BANP: variants seen among roughly 807,000 people sequenced by gnomAD.
BANP encodes the protein protein BANP.
A neutral mutation model predicts 68.1 loss-of-function variants in BANP; 11 were observed. The ratio of observed to expected loss-of-function variants is 0.16; its 90% CI spans 0.10 to 0.27. The LOEUF is 0.27. Ranked by LOEUF, BANP falls within the 10% of genes least tolerant of loss-of-function variation. The probability of loss-of-function intolerance (pLI) is 1.00; values close to 1 mark genes in which losing one functional copy is unlikely to be tolerated. For missense variants in BANP, 504 were observed against 722.7 expected (o/e 0.70, Z 3.47); for synonymous variants, 329 against 303.2 (o/e 1.09, Z -0.88).
chr16:87,991,217 C>G (rs929175472), intron 4 of BANP, among the ~76,000 whole-genome samples: 4 of 151,112 alleles, frequency 2.6e-5, no homozygotes, highest in African/African-American at 9.9e-5. Context: ...AGGAATTATT[C>G]ACATAATTGT....
rs148956852 is a variant in BANP at position 87,961,442 on chromosome 16, G to A, written c.-69+9927G>A. On this transcript the variant is annotated intron_variant, in intron 1 of 13. Transcript: ENST00000682872. ...GGGCCTCCCAAAGTGCTGGGATTAC[G>A]GGCGTGAGCCACTTCCCCTGGTGAG... is the stretch of plus-strand genomic sequence containing the variant. 1.6e-4 allele frequency among the ~76,000 whole-genome samples: 24 copies of A among 147,670 alleles called. No homozygotes were observed. In the East Asian group the frequency reaches 4.1e-3, roughly 25 times the overall value.
intron 13 of BANP, among the ~76,000 whole-genome samples, chr16:88,074,008 G>C (rs1360348157): frequency 6.6e-6 from 1 of 152,194 alleles, no homozygotes; most frequent in African/African-American, 2.4e-5. Flanking sequence ...GTGGTGAGCG[G>C]GTTTGCCCAT....
intron 12 of BANP, among the ~76,000 whole-genome samples, chr16:88,067,878 G>A (rs934723571): frequency 3.3e-5 from 5 of 152,296 alleles, no homozygotes; most frequent in African/African-American, 9.6e-5. Flanking sequence ...CGATGCTCCC[G>A]GCTGAGCCTT....
intron 2 of BANP, among the ~76,000 whole-genome samples, chr16:87,975,392 G>A (rs2061830737): frequency 6.6e-6 from 1 of 152,156 alleles, no homozygotes; most frequent in Non-Finnish European, 1.5e-5. Flanking sequence ...TCTGGAGGGG[G>A]CCCCTGTGAC....
intron 1 of BANP, among the ~76,000 whole-genome samples, chr16:87,963,210 C>T (rs926762277): frequency 1.3e-5 from 2 of 152,130 alleles, no homozygotes; most frequent in Non-Finnish European, 1.5e-5. Context: ...GCTTGGTGGC[C>T]GTGGTCCCTT....
intron 4 of BANP, among the ~76,000 whole-genome samples, chr16:87,995,315 C>T (rs965789945): frequency 6.6e-6 from 1 of 152,186 alleles, no homozygotes; most frequent in East Asian, 1.9e-4. Flanking sequence ...TGAGCAGCTC[C>T]TCTTTTTGTA....
At chr16:88,061,051 C>T (rs1035502348) in intron 11 of BANP, among the ~76,000 whole-genome samples, 2 of 152,144 alleles carry the variant, frequency 1.3e-5, no homozygotes, top group African/African-American at 4.8e-5. Context: ...GGGGGGTGGG[C>T]GGCAAGCACC....
At chr16:87,961,472 C>T (rs1167394764) in intron 1 of BANP, among the ~76,000 whole-genome samples, 2 of 146,990 alleles carry the variant, frequency 1.4e-5, no homozygotes, top group African/African-American at 4.9e-5. Flanking sequence ...GGTGAGGCTG[C>T]CTTTTTGTCA....
intron 11 of BANP, among the ~76,000 whole-genome samples, chr16:88,058,692 GGT>G (rs2085828561): frequency 6.6e-6 from 1 of 151,834 alleles, no homozygotes; most frequent in Admixed American, 6.6e-5. Context: ...GGAAGCCTGT[GGT>G]ATCTGAGACC....
chr16:87,981,063 A>T lies in BANP; in HGVS notation c.98A>T (p.Asp33Val), dbSNP rs763470597. ...PVVLENHVVT[D>V]EDEPALKRQR... Reference sequence around the variant, plus strand: ...GTTTTGGAGAATCATGTAGTGACAGATGAAGACGAACCTGCTTTGAAACGC... The same window carrying T: ...GTTTTGGAGAATCATGTAGTGACAGTTGAAGACGAACCTGCTTTGAAACGC... Residue 33 changes from aspartate to valine, a missense_variant, in exon 3 of 14, where the codon GAT (aspartate) becomes GTT (valine). Asp to Val is a radical substitution (Grantham distance 152). This residue lies in a region of BANP where 238 missense variants were observed against 278.9 expected (regional missense o/e 0.85). Coordinates refer to ENST00000682872, the MANE Select transcript of BANP (RefSeq NM_001386991.1). The T allele has an allele frequency of 4.3e-6, 7 of 1,614,004 alleles. No individual in the cohort carries two copies. The highest frequency in any genetic ancestry group is 5.9e-6 in the Non-Finnish European group (7 of 1,179,930).
intron 13 of BANP, among the ~76,000 whole-genome samples, chr16:88,073,720 G>T (rs1201657585): frequency 1.3e-5 from 2 of 152,236 alleles, no homozygotes; most frequent in Non-Finnish European, 2.9e-5. Context: ...CAGGAGGGCA[G>T]TGAGGTCCGC....
At chr16:87,994,512 G>A (rs2066694676) in intron 4 of BANP, among the ~76,000 whole-genome samples, 1 of 152,236 alleles carries the variant, frequency 6.6e-6, no homozygotes, top group Admixed American at 6.5e-5. Flanking sequence ...CGCTTCTCTG[G>A]TGCAGTGGTT....
rs367806209 is a variant in BANP, at chr16:88,051,187, C to T, written c.1311+13176C>T. Reference sequence around the variant, plus strand: ...AGATCAAGGCTCCAGGATGGGGGCTCCCCAGTGGTTTAGGGCTGAGGCCGC... The same window carrying T: ...AGATCAAGGCTCCAGGATGGGGGCTTCCCAGTGGTTTAGGGCTGAGGCCGC... On this transcript the variant is annotated intron_variant, in intron 11 of 13. Coordinates refer to ENST00000682872, the MANE Select transcript of BANP (RefSeq NM_001386991.1). Among the ~76,000 whole-genome samples, 246 of 152,344 alleles carry T rather than the reference C, an allele frequency of 1.6e-3. 2 individuals are homozygous for T. Among genetic ancestry groups the T allele is most frequent in the African/African-American group, 5.7e-3 (239 of 41,590 alleles).
rs2079298277 is a variant in BANP, at chr16:88,036,157, ACACGTGTTGTACT to A, written c.1272+766_1272+778del. ...GCAGGCACAGGGCACTAAGCAGCAC[ACACGTGTTGTACT>A]CAGTGACCGTGGTGCGCTCTGGGGG... On this transcript the variant is annotated intron_variant, in intron 10 of 13. Coordinates refer to ENST00000682872, the MANE Select transcript of BANP (RefSeq NM_001386991.1). This position sits in a 1 kb window ranked among gnomAD's most constrained non-coding sequence, Gnocchi z 4.2. 1.3e-5 allele frequency among the ~76,000 whole-genome samples: 2 copies of A among 152,242 alleles called. No homozygotes were observed. Among genetic ancestry groups the A allele is most frequent in the Non-Finnish European group, 2.9e-5 (2 of 68,030 alleles).
At chr16:87,970,434 C>CA (rs2060901292) in intron 1 of BANP, among the ~76,000 whole-genome samples, 1 of 152,250 alleles carries the variant, frequency 6.6e-6, no homozygotes, top group South Asian at 2.1e-4. Flanking sequence ...TCAGGGATTG[C>CA]AAAACGATGA....
At chr16:88,066,430 C>T (rs1040586050) in intron 12 of BANP, among the ~76,000 whole-genome samples, 1 of 152,168 alleles carries the variant, frequency 6.6e-6, no homozygotes, top group Non-Finnish European at 1.5e-5. Context: ...CGGGCCTGGC[C>T]ACCTGGTGAA....
intron 1 of BANP, among the ~76,000 whole-genome samples, chr16:87,972,951 C>T (rs1393429302): frequency 3.3e-5 from 5 of 152,100 alleles, no homozygotes; most frequent in East Asian, 3.9e-4. Context: ...CTGCTGCTCT[C>T]GGCCTGGCTC....
chr16:87,950,133 T>G (rs1372889705), upstream of BANP, among the ~76,000 whole-genome samples: 3 of 152,210 alleles, frequency 2.0e-5, no homozygotes, highest in Non-Finnish European at 4.4e-5. Context: ...CGCCTCGGCC[T>G]CCCAAAGTGC....
chr16:88,030,012 G>A (rs1011336486), intron 8 of BANP, among the ~76,000 whole-genome samples: 7 of 152,234 alleles, frequency 4.6e-5, no homozygotes, highest in African/African-American at 9.6e-5. Context: ...CCCACTGGCC[G>A]GAGTCCTCAG....
Sources: allele counts gnomAD v4.1 joint callset (sites outside exome capture counted in the v4.1 genomes callset), GRCh38; gene constraint gnomAD v4.1.1; regional missense constraint gnomAD v4.1.1; non-coding constraint Gnocchi (gnomAD v3.1); transcripts MANE v1.5; gene names NCBI Gene and HGNC (gene_info 2026-07-23, HGNC 2026-07-21).